The following MPP7 variants were observed in gnomAD, a reference collection of about 807,000 sequenced individuals.
The protein encoded by MPP7 is MAGUK p55 scaffold protein 7.
MPP7 carries 60 observed loss-of-function variants against 76.5 expected under a neutral mutation model. That is an observed-to-expected ratio of 0.78 (90% confidence interval 0.64 to 0.97). The LOEUF is 0.97. MPP7 is among the 50% of genes least tolerant of loss of function. The pLI is 0.00. For missense variants in MPP7, 641 were observed against 694.0 expected (o/e 0.92, Z 0.86); for synonymous variants, 237 against 244.5 (o/e 0.97, Z 0.29).
chr10:28,273,873 T>C (rs1396837485), intron 1 of MPP7, among the ~76,000 whole-genome samples: 2 of 152,164 alleles, frequency 1.3e-5, no homozygotes, highest in African/African-American at 2.4e-5. Flanking sequence ...TGCACACTTG[T>C]AGCCCCAGCT....
At chr10:28,175,249 C>T (rs1236034500) in intron 3 of MPP7, among the ~76,000 whole-genome samples, 1 of 151,220 alleles carries the variant, frequency 6.6e-6, no homozygotes, top group Non-Finnish European at 1.5e-5. Context: ...GAGATTGCAT[C>T]ATTGCACTCC....
At chr10:28,237,320 G>A (rs1157314088) in intron 2 of MPP7, among the ~76,000 whole-genome samples, 1 of 152,014 alleles carries the variant, frequency 6.6e-6, no homozygotes. Context: ...CACAATGTGG[G>A]ACTATATAAA....
chr10:28,215,912 G>A (rs1022355969), intron 2 of MPP7, among the ~76,000 whole-genome samples: 4 of 152,094 alleles, frequency 2.6e-5, no homozygotes, highest in Admixed American at 6.5e-5. Flanking sequence ...CAAGCATTAA[G>A]GAGGCAGATG....
intron 11 of MPP7, among the ~76,000 whole-genome samples, chr10:28,109,329 G>A (rs894064936): frequency 5.9e-5 from 9 of 151,776 alleles, no homozygotes; most frequent in Non-Finnish European, 1.3e-4. Flanking sequence ...AAAGTTGTCG[G>A]GAAGAAAAAG....
intron 12 of MPP7, among the ~76,000 whole-genome samples, chr10:28,082,926 G>A (rs1052257751): frequency 2.6e-5 from 4 of 152,126 alleles, no homozygotes; most frequent in African/African-American, 9.7e-5. Flanking sequence ...ACCATACTAG[G>A]TGCATGAATT....
At chr10:28,242,825 TAGG>T (rs1259628301) in intron 1 of MPP7, among the ~76,000 whole-genome samples, 3 of 151,662 alleles carry the variant, frequency 2.0e-5, no homozygotes, top group South Asian at 2.1e-4. Context: ...TCATTCAGAG[TAGG>T]AGGAGGAAAA....
intron 1 of MPP7, among the ~76,000 whole-genome samples, chr10:28,262,223 A>G (rs1369265002): frequency 3.6e-5 from 1 of 27,556 alleles, no homozygotes; most frequent in Admixed American, 4.4e-4. Context: ...ATATATATAT[A>G]TACATATATA....
intron 7 of MPP7, among the ~76,000 whole-genome samples, chr10:28,124,690 A>G (rs934651405): frequency 6.7e-6 from 1 of 149,888 alleles, no homozygotes; most frequent in Non-Finnish European, 1.5e-5. Context: ...TCACCGTGTT[A>G]GCCAGGATGG....
chr10:28,104,152 A>G (rs1377376732), intron 11 of MPP7, among the ~76,000 whole-genome samples: 1 of 152,170 alleles, frequency 6.6e-6, no homozygotes, highest in Non-Finnish European at 1.5e-5. Context: ...AAATACCTAC[A>G]TGCTCTAAAA....
chr10:28,061,513 C>T (rs866360164), intron 13 of MPP7, among the ~76,000 whole-genome samples: 1 of 151,672 alleles, frequency 6.6e-6, no homozygotes, highest in African/African-American at 2.4e-5. Context: ...ACAACAACAA[C>T]AAGATTTAAA....
intron 2 of MPP7, among the ~76,000 whole-genome samples, chr10:28,207,704 A>C (rs1837994825): frequency 6.6e-6 from 1 of 152,066 alleles, no homozygotes; most frequent in African/African-American, 2.4e-5. Flanking sequence ...AAAGAAAAAA[A>C]AAAATGAAAA....
At chr10:28,319,781 G>T (rs538536402) in intron 2 of MPP7, among the ~76,000 whole-genome samples, 2 of 152,222 alleles carry the variant, frequency 1.3e-5, no homozygotes, top group Admixed American at 6.5e-5. Flanking sequence ...TTCGAGACCA[G>T]CCTGGGCAAC....
chr10:28,321,177 CA>C (rs1316177921), intron 2 of MPP7, among the ~76,000 whole-genome samples: 6 of 151,566 alleles, frequency 4.0e-5, no homozygotes, highest in Non-Finnish European at 7.4e-5. Context: ...TCCTCTCCTG[CA>C]AAAAAATAGA....
chr10:28,138,460 T>C (rs1240896641), intron 5 of MPP7, among the ~76,000 whole-genome samples: 1 of 152,228 alleles, frequency 6.6e-6, no homozygotes, highest in Non-Finnish European at 1.5e-5. Context: ...TTTTCAGACA[T>C]CTATTGTTTC....
chr10:28,133,937 C>T (rs576100485), intron 5 of MPP7, among the ~76,000 whole-genome samples: 59 of 152,120 alleles, frequency 3.9e-4, no homozygotes, highest in African/African-American at 1.3e-3. Context: ...AAATATGTTG[C>T]AATTTCTTTA....
At position 28,309,159 on chromosome 10, in the gene MPP7, A is replaced by G. The variant is rs1444218116; in HGVS notation, c.-132+20770T>C. Reference sequence around the variant, plus strand: ...CACACCAGAACTCATGTTAATAAAAATATTACTAAATGTTAAGAAGATACT... The same window carrying G: ...CACACCAGAACTCATGTTAATAAAAGTATTACTAAATGTTAAGAAGATACT... On this transcript the variant is annotated intron_variant, in intron 2 of 11. Transcript: ENST00000441595. Among the ~76,000 whole-genome samples, 3 of 152,192 alleles carry G rather than the reference A, an allele frequency of 2.0e-5. No homozygotes were observed. In the East Asian group the frequency reaches 5.8e-4, roughly 29 times the overall value.
intron 3 of MPP7, among the ~76,000 whole-genome samples, chr10:28,172,625 A>G (rs1224399993): frequency 6.6e-6 from 1 of 152,230 alleles, no homozygotes; most frequent in African/African-American, 2.4e-5. Flanking sequence ...AGAAAGATAA[A>G]TCTAATAAAG....
At chr10:28,120,509 G>A (rs1212347294) in intron 9 of MPP7, 85 bp downstream of exon 9, 15 of 1,502,856 alleles carry the variant, frequency 1.0e-5, no homozygotes, top group Admixed American at 6.9e-5. Flanking sequence ...TGAAAGAAAT[G>A]TGTTGTGACA....
chr10:28,281,518 C>T (rs1840670608), intron 1 of MPP7, among the ~76,000 whole-genome samples: 1 of 152,006 alleles, frequency 6.6e-6, no homozygotes, highest in Non-Finnish European at 1.5e-5. Context: ...ACATGAGATT[C>T]TATGAGTAGG....
Sources: allele counts gnomAD v4.1 joint callset (sites outside exome capture counted in the v4.1 genomes callset), GRCh38; gene constraint gnomAD v4.1.1; transcripts MANE v1.5; gene names NCBI Gene and HGNC (gene_info 2026-07-23, HGNC 2026-07-21).